Variants in DOCK2 observed in about 807,000 individuals in gnomAD.
DOCK2 encodes the protein dedicator of cytokinesis 2.
DOCK2 carries 87 observed loss-of-function variants against 248.9 expected under a neutral mutation model. The ratio of observed to expected loss-of-function variants is 0.35; its 90% CI spans 0.29 to 0.42. The LOEUF is 0.42. DOCK2 is among the 10% of genes least tolerant of loss of function. DOCK2 has a pLI of 1.00. For synonymous variants in DOCK2, 805 were observed against 821.6 expected (o/e 0.98, Z 0.35); for missense variants, 1,747 against 2,300.2 (o/e 0.76, Z 4.92).
At chr5:170,026,814 C>T (rs1755933572) in intron 33 of DOCK2, among the ~76,000 whole-genome samples, 1 of 152,198 alleles carries the variant, frequency 6.6e-6, no homozygotes, top group Non-Finnish European at 1.5e-5. Flanking sequence ...GCTTTCTGAT[C>T]ACTTACCTAA....
intron 29 of DOCK2, among the ~76,000 whole-genome samples, 171 bp from the exon 30 acceptor site, chr5:169,995,900 AAGGCAAACAGCCCCG>A (rs1222392677): frequency 6.6e-6 from 1 of 152,244 alleles, no homozygotes; most frequent in African/African-American, 2.4e-5. Context: ...GAGTTCTTGC[AAGGCAAACAGCCCCG>A]AGTCTAGAGT....
intron 7 of DOCK2, among the ~76,000 whole-genome samples, chr5:169,683,182 A>G (rs947014630): frequency 6.6e-6 from 1 of 152,178 alleles, no homozygotes; most frequent in African/African-American, 2.4e-5. Flanking sequence ...AAGTGTATAT[A>G]TAACTTTTTA....
chr5:169,933,740 C>T (rs1775865890), intron 27 of DOCK2, among the ~76,000 whole-genome samples: 1 of 152,166 alleles, frequency 6.6e-6, no homozygotes, highest in Admixed American at 6.5e-5. Flanking sequence ...ACCCACTTCT[C>T]AGACTTCCAG....
At chr5:169,807,054 G>A (rs1767415873) in intron 26 of DOCK2, among the ~76,000 whole-genome samples, 1 of 152,032 alleles carries the variant, frequency 6.6e-6, no homozygotes, top group African/African-American at 2.4e-5. Context: ...ACCTGGGCAG[G>A]GCGTCACTGG....
At chr5:169,823,523 A>T (rs1030669971) in intron 26 of DOCK2, among the ~76,000 whole-genome samples, 4 of 152,222 alleles carry the variant, frequency 2.6e-5, no homozygotes, top group Non-Finnish European at 4.4e-5. Context: ...CAAAAACCAC[A>T]TGACTGTCTC....
intron 44 of DOCK2, among the ~76,000 whole-genome samples, chr5:170,065,809 G>A (rs1303822655): frequency 2.0e-5 from 3 of 152,124 alleles, no homozygotes; most frequent in Non-Finnish European, 4.4e-5. Flanking sequence ...GAGAATTATG[G>A]GAGCTACAAG....
rs146770084 is a variant in DOCK2 at position 169,723,392 on chromosome 5, C to T, written c.2267+4601C>T. Among the ~76,000 whole-genome samples the T allele has an allele frequency of 2.6e-5, 4 of 152,264 alleles. 1 individual carries two copies. Among genetic ancestry groups the T allele is most frequent in the African/African-American group, 9.6e-5 (4 of 41,548 alleles). ...AAGCTCAATTTCCTCATATGTAACA[C>T]GGTCATAATAGTACCTACCATACAG... On this transcript the variant is annotated intron_variant, in intron 22 of 51. Coordinates refer to ENST00000520908, the MANE Select transcript of DOCK2 (RefSeq NM_004946.3).
At chr5:169,794,460 C>T (rs1766528107) in intron 25 of DOCK2, among the ~76,000 whole-genome samples, 1 of 151,950 alleles carries the variant, frequency 6.6e-6, no homozygotes, top group African/African-American at 2.4e-5. Context: ...AATATAATAT[C>T]CATGAGAACA....
chr5:169,753,681 C>T (rs559327875), intron 23 of DOCK2, among the ~76,000 whole-genome samples: 5 of 152,288 alleles, frequency 3.3e-5, no homozygotes, highest in African/African-American at 1.2e-4. Flanking sequence ...GTGGATAAGA[C>T]TCAGGGGACC....
intron 6 of DOCK2, among the ~76,000 whole-genome samples, chr5:169,679,000 T>G (rs1759500296): frequency 6.6e-6 from 1 of 152,076 alleles, no homozygotes; most frequent in South Asian, 2.1e-4. Context: ...ATGGGTGGAC[T>G]GGGGCTGGAA....
intron 27 of DOCK2, chr5:169,875,302 C>G (rs1027660534): frequency 2.2e-6 from 1 of 456,574 alleles, no homozygotes. Context: ...TGAAACCCAG[C>G]AACAAGTTTC....
At chr5:169,856,668 C>T (rs1482993000) in intron 27 of DOCK2, among the ~76,000 whole-genome samples, 1 of 152,218 alleles carries the variant, frequency 6.6e-6, no homozygotes, top group Non-Finnish European at 1.5e-5. Flanking sequence ...TCATCACCTC[C>T]ATCACCCATC....
At chr5:169,770,290 C>CTT (rs60938799) in intron 25 of DOCK2, among the ~76,000 whole-genome samples, 1,974 of 101,256 alleles carry the variant, frequency 0.019, 39 homozygotes, top group African/African-American at 0.044. Context: ...ATTCTTGAGT[C>CTT]TTTTTTTTTT....
chr5:169,776,424 C>A (rs112835988), intron 25 of DOCK2, among the ~76,000 whole-genome samples: 9,707 of 152,090 alleles, frequency 0.064, 484 homozygotes, highest in Admixed American at 0.16. Context: ...TTCAGCCTCC[C>A]AAAGTGCTGG....
intron 44 of DOCK2, 32 bp downstream of exon 44, chr5:170,057,698 C>T (rs1275564955): frequency 6.4e-7 from 1 of 1,567,026 alleles, no homozygotes. Flanking sequence ...CAGGGCCACC[C>T]TTCCTCCGAT....
chr5:169,781,905 C>T (rs1258793019), intron 25 of DOCK2, among the ~76,000 whole-genome samples: 3 of 152,238 alleles, frequency 2.0e-5, no homozygotes, highest in South Asian at 2.1e-4. Flanking sequence ...TCATCCCTGC[C>T]GATGTCCCAG....
chr5:169,641,894 G>A (rs1026868055), intron 1 of DOCK2, among the ~76,000 whole-genome samples: 29 of 152,226 alleles, frequency 1.9e-4, no homozygotes, highest in Admixed American at 1.2e-3. Flanking sequence ...GAAGAGAGTG[G>A]TAGCTTGATT....
chr5:169,861,778 T>A (rs1185602306), intron 27 of DOCK2, among the ~76,000 whole-genome samples: 1 of 152,212 alleles, frequency 6.6e-6, no homozygotes, highest in Non-Finnish European at 1.5e-5. Flanking sequence ...CTCATAATGA[T>A]TTTAAATATC....
At chr5:169,895,254 C>A (rs1773530034) in intron 27 of DOCK2, among the ~76,000 whole-genome samples, 1 of 152,150 alleles carries the variant, frequency 6.6e-6, no homozygotes, top group Admixed American at 6.5e-5. Flanking sequence ...TTAAATGTCC[C>A]CCTTCCTTCT....
Sources: gnomAD v4.1 joint callset for allele counts (sites outside exome capture counted in the v4.1 genomes callset) on GRCh38, gnomAD v4.1.1 for gene constraint, MANE v1.5 for transcripts, NCBI Gene and HGNC (gene_info 2026-07-23, HGNC 2026-07-21) for gene names.